The following ASTN2 variants were observed in gnomAD, a reference collection of about 807,000 sequenced individuals.
ASTN2 encodes astrotactin 2, also known as astrotactin-2.
In ASTN2, 54 loss-of-function variants were observed where a neutral mutation model predicts 139.8. The observed-to-expected ratio is 0.39, with a 90% CI of 0.31 to 0.48. The LOEUF is 0.48. ASTN2 is among the 20% of genes least tolerant of loss of function. ASTN2 has a pLI of 0.95. For missense variants in ASTN2, 1,565 were observed against 1,725.1 expected (o/e 0.91, Z 1.64); for synonymous variants, 756 against 719.5 (o/e 1.05, Z -0.81).
intron 10 of ASTN2, among the ~76,000 whole-genome samples, chr9:116,972,446 C>A (rs1427201616): frequency 1.3e-5 from 2 of 151,406 alleles, no homozygotes; most frequent in East Asian, 1.9e-4. Context: ...TGCTTCTATT[C>A]GTATTTTTGT....
chr9:117,379,527 G>A (rs1307726590), intron 1 of ASTN2, among the ~76,000 whole-genome samples: 1 of 152,272 alleles, frequency 6.6e-6, no homozygotes, highest in East Asian at 1.9e-4. Context: ...GCCTTCGAAG[G>A]CCTCCATTAG....
chr9:116,514,471 C>G (rs1195383403), intron 19 of ASTN2, among the ~76,000 whole-genome samples: 1 of 152,204 alleles, frequency 6.6e-6, no homozygotes, highest in African/African-American at 2.4e-5. Flanking sequence ...AGGAGGCAGT[C>G]TGTCTCAACT....
chr9:117,066,181 A>G (rs1464156606), intron 5 of ASTN2, among the ~76,000 whole-genome samples: 1 of 69,318 alleles, frequency 1.4e-5, no homozygotes, highest in Non-Finnish European at 2.6e-5. Context: ...CCCCCACCCC[A>G]CCACAGTCCC....
At chr9:116,714,753 C>T (rs1350118971) in intron 16 of ASTN2, among the ~76,000 whole-genome samples, 48 of 152,158 alleles carry the variant, frequency 3.2e-4, no homozygotes, top group Admixed American at 3.1e-3. Context: ...TGCTATGAGC[C>T]ACGTAATCAC....
intron 7 of ASTN2, among the ~76,000 whole-genome samples, chr9:116,999,059 T>C (rs1401416169): frequency 6.6e-6 from 1 of 152,152 alleles, no homozygotes; most frequent in Non-Finnish European, 1.5e-5. Context: ...AAATGAAAAG[T>C]GGCTGCTGAA....
intron 20 of ASTN2, among the ~76,000 whole-genome samples, chr9:116,452,392 A>G (rs1373993709): frequency 1.3e-5 from 2 of 152,172 alleles, no homozygotes; most frequent in Non-Finnish European, 2.9e-5. Flanking sequence ...TTAACTAGCT[A>G]TGTGGCTTTG....
intron 16 of ASTN2, among the ~76,000 whole-genome samples, chr9:116,655,576 C>A (rs551236119): frequency 6.6e-6 from 1 of 152,314 alleles, no homozygotes; most frequent in African/African-American, 2.4e-5. Context: ...CTTTCTTCCA[C>A]CCCATCTCCA....
chr9:117,011,680 A>G (rs1837540921), intron 6 of ASTN2, among the ~76,000 whole-genome samples: 1 of 152,220 alleles, frequency 6.6e-6, no homozygotes, highest in Admixed American at 6.5e-5. Flanking sequence ...TCGTGGCATG[A>G]ATGTGATATG....
intron 1 of ASTN2, among the ~76,000 whole-genome samples, chr9:117,328,005 G>A (rs1828575174): frequency 5.3e-5 from 8 of 152,176 alleles, no homozygotes; most frequent in Admixed American, 5.2e-4. Context: ...AAAGGACCGA[G>A]CTTGGGAAAT....
At chr9:116,922,900 T>C (rs575395535) in intron 10 of ASTN2, among the ~76,000 whole-genome samples, 11 of 152,246 alleles carry the variant, frequency 7.2e-5, no homozygotes, top group Admixed American at 7.2e-4. Context: ...AAATACTTCT[T>C]AAAAAATGGT....
chr9:117,255,287 A>G (rs572415791), intron 2 of ASTN2, among the ~76,000 whole-genome samples: 51 of 152,332 alleles, frequency 3.3e-4, no homozygotes, highest in African/African-American at 1.2e-3. Flanking sequence ...CAGGTCTTGA[A>G]CTAGGGCTGA....
chr9:117,278,802 G>A (rs1404946203), intron 2 of ASTN2, among the ~76,000 whole-genome samples: 2 of 152,172 alleles, frequency 1.3e-5, no homozygotes, highest in Non-Finnish European at 2.9e-5. Flanking sequence ...TTACCACAGT[G>A]AAGTGAAATG....
At chr9:116,620,257 G>A in intron 18 of ASTN2, 53 bp downstream of exon 18, 2 of 1,612,958 alleles carry the variant, frequency 1.2e-6, no homozygotes, top group Non-Finnish European at 1.7e-6. Flanking sequence ...CAGGACAGGA[G>A]TGTGAGTCCA....
intron 4 of ASTN2, among the ~76,000 whole-genome samples, chr9:117,118,508 C>A (rs1829460161): frequency 6.6e-6 from 1 of 152,204 alleles, no homozygotes; most frequent in Non-Finnish European, 1.5e-5. Flanking sequence ...ACAAAATGGG[C>A]TTTCTGACAC....
At chr9:116,738,239 G>A (rs1435574357) in intron 13 of ASTN2, among the ~76,000 whole-genome samples, 1 of 151,610 alleles carries the variant, frequency 6.6e-6, no homozygotes, top group Non-Finnish European at 1.5e-5. Flanking sequence ...AGCGGCTCAT[G>A]CCTATAATCC....
chr9:116,617,466 T>C (rs1452005680), intron 19 of ASTN2, among the ~76,000 whole-genome samples: 1 of 152,216 alleles, frequency 6.6e-6, no homozygotes, highest in Non-Finnish European at 1.5e-5. Flanking sequence ...CAAATAATTA[T>C]ACTTCTTTAA....
At chr9:117,268,105 T>A (rs1348840812) in intron 2 of ASTN2, among the ~76,000 whole-genome samples, 1 of 152,248 alleles carries the variant, frequency 6.6e-6, no homozygotes, top group African/African-American at 2.4e-5. Context: ...ATTACCACCC[T>A]GCCAAGTCTT....
chr9:117,108,819 G>A (rs945037095), intron 4 of ASTN2, among the ~76,000 whole-genome samples: 4 of 152,118 alleles, frequency 2.6e-5, no homozygotes, highest in African/African-American at 9.7e-5. Flanking sequence ...AACCCAAATA[G>A]AAATGCAATA....
At chr9:116,703,311 C>A (rs1287042759) in intron 16 of ASTN2, among the ~76,000 whole-genome samples, 2 of 150,136 alleles carry the variant, frequency 1.3e-5, no homozygotes, top group Non-Finnish European at 3.0e-5. Flanking sequence ...CCTTCGCCCA[C>A]TTTTTGATGG....
Sources: allele counts gnomAD v4.1 joint callset (sites outside exome capture counted in the v4.1 genomes callset), GRCh38; gene constraint gnomAD v4.1.1; transcripts MANE v1.5; gene names NCBI Gene and HGNC (gene_info 2026-07-23, HGNC 2026-07-21).